ZNF618: variants seen among roughly 807,000 people sequenced by gnomAD.
ZNF618 encodes the protein neural precursor cell expressed, developmentally down-regulated 10.
A neutral mutation model predicts 103.0 loss-of-function variants in ZNF618; 34 were observed. The ratio of observed to expected loss-of-function variants is 0.33; its 90% CI spans 0.25 to 0.44. The LOEUF (loss-of-function observed/expected upper bound fraction) is 0.44. Among genes scored for constraint, ZNF618 ranks in the 20% least tolerant of loss-of-function variants. ZNF618 has a pLI of 1.00. For synonymous variants in ZNF618, 551 were observed against 542.2 expected (o/e 1.02, Z -0.23); for missense variants, 1,059 against 1,295.4 (o/e 0.82, Z 2.80).
intron 1 of ZNF618, among the ~76,000 whole-genome samples, chr9:113,885,735 C>T (rs1267352702): frequency 3.9e-5 from 6 of 152,054 alleles, no homozygotes; most frequent in Non-Finnish European, 5.9e-5. Flanking sequence ...TTGAAAGCAT[C>T]GTATGAGTTA....
At chr9:114,024,847 T>A (rs909314034) in intron 10 of ZNF618, among the ~76,000 whole-genome samples, 7 of 151,898 alleles carry the variant, frequency 4.6e-5, no homozygotes, top group African/African-American at 1.7e-4. Context: ...ATTTCTGGAG[T>A]TCTTTTTGTT....
chr9:113,936,304 A>T (rs1834028348), intron 1 of ZNF618, among the ~76,000 whole-genome samples: 1 of 152,246 alleles, frequency 6.6e-6, no homozygotes, highest in African/African-American at 2.4e-5. Context: ...AAAACTAGGA[A>T]CAAAAAAGCT....
chr9:114,035,307 C>T, intron 12 of ZNF618: 10 of 942,720 alleles, frequency 1.1e-5, no homozygotes, highest in Non-Finnish European at 1.3e-5. Context: ...CAGCCACGTG[C>T]TCCTGGAGCC....
intron 1 of ZNF618, among the ~76,000 whole-genome samples, chr9:113,931,218 G>A (rs902646882): frequency 5.9e-5 from 9 of 152,246 alleles, no homozygotes; most frequent in Non-Finnish European, 1.3e-4. Context: ...CTAATTCAGT[G>A]ATAAGCATGG....
chr9:113,984,169 T>C (rs903344285), intron 2 of ZNF618, among the ~76,000 whole-genome samples: 2 of 152,148 alleles, frequency 1.3e-5, no homozygotes, highest in Admixed American at 1.3e-4. Context: ...GAAGCTACAC[T>C]GGAATTTCGG....
At chr9:114,016,553 G>A (rs1270052597) in intron 9 of ZNF618, 142 bp from the exon 10 acceptor site, 1 of 665,204 alleles carries the variant, frequency 1.5e-6, no homozygotes, top group Non-Finnish European at 2.7e-6. Flanking sequence ...TTTGAATAGG[G>A]GTCTTCTAAC....
Position 113,988,580 on chromosome 9 carries a change from G to A in ZNF618, c.337G>A (p.Asp113Asn). Residue 113 changes from aspartate (D) to asparagine (N), a missense_variant and splice_region_variant, in exon 3 of 15, where the codon GAT becomes AAT. Physicochemically the swap from Asp to Asn is conservative, Grantham distance 23. Transcript: ENST00000374126. ...CGGCGTCCGCAACCAGCAGACCCTT[G>A]GTGAGTGCCCAGCGTCTGTGGTCAG... is the stretch of plus-strand genomic sequence containing the variant. Reference protein sequence around the residue: ...IGGVRNQQTLDGKAPEGSPHG... With the variant: ...IGGVRNQQTLNGKAPEGSPHG... 6.2e-7 allele frequency: 1 copy of A among 1,604,610 alleles called. No individual in the cohort carries two copies.
rs1358629363 is a variant in ZNF618, at chr9:113,988,559, G to A, written c.316G>A (p.Val106Ile). ...PAEICVVIGG[V>I]RNQQTLDGKA... ...CGAGATCTGCGTGGTGATCGGCGGC[G>A]TCCGCAACCAGCAGACCCTTGGTGA... is the stretch of plus-strand genomic sequence containing the variant. The change falls in exon 3 of 15, where the codon GTC (valine) becomes ATC (isoleucine). Residue 106 changes from valine to isoleucine, a missense_variant. By Grantham distance (29) the Val-to-Ile change is conservative. This residue lies in a region of ZNF618 where 194 missense variants were observed against 209.0 expected (regional missense o/e 0.93). Transcript: ENST00000374126. The A allele has an allele frequency of 3.7e-6, 6 of 1,609,268 alleles. No individual in the cohort carries two copies. Among genetic ancestry groups the A allele is most frequent in the African/African-American group, 1.3e-5 (1 of 75,032 alleles).
intron 11 of ZNF618, among the ~76,000 whole-genome samples, chr9:114,032,118 G>T (rs559010824): frequency 6.6e-6 from 1 of 152,196 alleles, no homozygotes; most frequent in African/African-American, 2.4e-5. Flanking sequence ...TGGCCTCTGG[G>T]GGTGTGGGGC....
chr9:113,997,455 A>G (rs1238705022), intron 3 of ZNF618, among the ~76,000 whole-genome samples: 2 of 152,180 alleles, frequency 1.3e-5, no homozygotes, highest in African/African-American at 4.8e-5. Context: ...CTTGGGAGCA[A>G]ATCAGATCTG....
chr9:113,909,606 CA>C (rs1191586434), intron 1 of ZNF618, among the ~76,000 whole-genome samples: 1 of 152,010 alleles, frequency 6.6e-6, no homozygotes, highest in African/African-American at 2.4e-5. Flanking sequence ...CTTGCTAGCC[CA>C]AGCTTGAAGG....
At chr9:113,989,502 C>T (rs569779162) in intron 3 of ZNF618, among the ~76,000 whole-genome samples, 10 of 152,284 alleles carry the variant, frequency 6.6e-5, no homozygotes, top group African/African-American at 2.4e-4. Flanking sequence ...ACATAAAGTC[C>T]TCATTCCTGG....
Position 113,967,532 on chromosome 9 carries a change from C to T in ZNF618, c.34-1585C>T, listed in dbSNP as rs763005496. 4.9e-4 allele frequency among the ~76,000 whole-genome samples: 75 copies of T among 152,102 alleles called. 1 individual carries two copies. Among genetic ancestry groups the T allele is most frequent in the Non-Finnish European group, 8.2e-4 (56 of 68,034 alleles). On this transcript the variant is annotated intron_variant, in intron 1 of 14. Coordinates refer to ENST00000374126, the MANE Select transcript of ZNF618 (RefSeq NM_001318042.2). ...TTTCCCAATTGGCTCTCCTGAATGT[C>T]GGTGGGAAGTAAAATGCTCCAGAAC...
At chr9:114,029,554 A>G (rs929262167) in intron 11 of ZNF618, among the ~76,000 whole-genome samples, 2 of 151,814 alleles carry the variant, frequency 1.3e-5, no homozygotes, top group African/African-American at 4.8e-5. Flanking sequence ...CTTACATCCA[A>G]CCCAGTTCAT....
chr9:114,030,740 C>G (rs1843944707), intron 11 of ZNF618: 1 of 152,242 alleles, frequency 6.6e-6, no homozygotes, highest in Admixed American at 6.5e-5. Context: ...AGTGGCCCTT[C>G]ATGTGTGTAT....
chr9:113,933,199 A>G (rs1489560149), intron 1 of ZNF618, among the ~76,000 whole-genome samples: 1 of 152,180 alleles, frequency 6.6e-6, no homozygotes. Context: ...TTTGAGAGGA[A>G]TGGAATCAAC....
chr9:113,948,205 A>G (rs1835234708), intron 1 of ZNF618, among the ~76,000 whole-genome samples: 1 of 152,224 alleles, frequency 6.6e-6, no homozygotes. Flanking sequence ...GGCCTCAAGC[A>G]TACTCCATCG....
Position 113,988,570 on chromosome 9 carries a change from G to T in ZNF618, c.327G>T (p.Gln109His). The T allele has an allele frequency of 1.9e-6, 3 of 1,607,148 alleles. No homozygotes were observed. Among genetic ancestry groups the T allele is most frequent in the South Asian group, 1.1e-5 (1 of 90,310 alleles). ...ICVVIGGVRN[Q>H]QTLDGKAPEG... Reference sequence around the variant, plus strand: ...TGGTGATCGGCGGCGTCCGCAACCAGCAGACCCTTGGTGAGTGCCCAGCGT... The same window carrying T: ...TGGTGATCGGCGGCGTCCGCAACCATCAGACCCTTGGTGAGTGCCCAGCGT... The change falls in exon 3 of 15, where the codon CAG (glutamine) becomes CAT (histidine). Residue 109 changes from glutamine to histidine, a missense_variant. Around this residue, in one of 6 missense-constraint regions of ZNF618, gnomAD observed 194 missense variants for 209.0 expected, o/e 0.93. Coordinates refer to ENST00000374126, the MANE Select transcript of ZNF618 (RefSeq NM_001318042.2).
rs1845958636 is a variant in ZNF618 at position 114,049,522 on chromosome 9, G to A, written c.2220G>A (p.Thr740=). ...HLLSNLAAIL[T]PVKQAVIELS... Reference sequence around the variant, plus strand: ...TCAGCAACCTGGCGGCCATCCTGACGCCGGTGAAGCAGGCAGTCATCGAGC... The same window carrying A: ...TCAGCAACCTGGCGGCCATCCTGACACCGGTGAAGCAGGCAGTCATCGAGC... The change falls in exon 15 of 15, where the codon ACG becomes ACA. Residue 740 remains threonine, a synonymous_variant. Transcript: ENST00000374126. 3.1e-6 allele frequency: 5 copies of A among 1,613,542 alleles called. No individual in the cohort carries two copies. The highest frequency in any genetic ancestry group is 2.2e-5 in the South Asian group (2 of 91,040).
Sources: allele counts gnomAD v4.1 joint callset (sites outside exome capture counted in the v4.1 genomes callset), GRCh38; gene constraint gnomAD v4.1.1; regional missense constraint gnomAD v4.1.1; transcripts MANE v1.5; gene names NCBI Gene and HGNC (gene_info 2026-07-23, HGNC 2026-07-21).